The following KCNQ3 variants were observed in gnomAD, a reference collection of about 807,000 sequenced individuals.
KCNQ3 encodes the protein potassium voltage-gated channel subfamily KQT member 3.
KCNQ3 carries 30 observed loss-of-function variants against 92.5 expected under a neutral mutation model. The observed-to-expected ratio is 0.32, with a 90% CI of 0.24 to 0.44. KCNQ3 has a LOEUF of 0.44. Ranked by LOEUF, KCNQ3 falls within the 20% of genes least tolerant of loss-of-function variation. The pLI, the probability that KCNQ3 is intolerant of heterozygous loss-of-function variation, is 1.00. For synonymous variants in KCNQ3, 450 were observed against 468.8 expected (o/e 0.96, Z 0.52); for missense variants, 913 against 1,140.3 (o/e 0.80, Z 2.87).
intron 1 of KCNQ3, among the ~76,000 whole-genome samples, chr8:132,476,209 T>A (rs1822408112): frequency 6.7e-6 from 1 of 149,922 alleles, no homozygotes; most frequent in South Asian, 2.1e-4. Flanking sequence ...GCTGCAGGAG[T>A]GAAGCTCTCA....
intron 1 of KCNQ3, among the ~76,000 whole-genome samples, chr8:132,282,836 C>T (rs928547847): frequency 3.9e-5 from 6 of 152,236 alleles, no homozygotes; most frequent in Admixed American, 2.0e-4. Context: ...CTGCATGTTA[C>T]ATGCCAGAAG....
chr8:132,409,161 C>A (rs1820581242), intron 1 of KCNQ3, among the ~76,000 whole-genome samples: 1 of 152,168 alleles, frequency 6.6e-6, no homozygotes, highest in Non-Finnish European at 1.5e-5. Context: ...ATATTGTTTT[C>A]AAGACTACAG....
chr8:132,434,466 C>T (rs550965726), intron 1 of KCNQ3, among the ~76,000 whole-genome samples: 47 of 152,268 alleles, frequency 3.1e-4, no homozygotes, highest in African/African-American at 1.1e-3. Context: ...ATTCCAAGCA[C>T]CTAGAACAGT....
At position 132,338,031 on chromosome 8, in the gene KCNQ3, T is replaced by C. The variant is rs186293567; in HGVS notation, c.386+142116A>G. 7.0e-4 allele frequency among the ~76,000 whole-genome samples: 107 copies of C among 152,338 alleles called. 1 individual carries two copies. The highest frequency in any genetic ancestry group is 2.5e-3 in the African/African-American group (104 of 41,586). The stretch of plus-strand genomic sequence containing the variant: ...TGGGCTGGGTAAGAGGGAAAACTTA[T>C]GGGCAAATCTCAGATGGTCGAAGGT... On this transcript the variant is annotated intron_variant, in intron 1 of 14. Transcript: ENST00000388996.
intron 1 of KCNQ3, among the ~76,000 whole-genome samples, chr8:132,244,561 C>T (rs1815100570): frequency 6.6e-6 from 1 of 152,164 alleles, no homozygotes; most frequent in African/African-American, 2.4e-5. Context: ...AAACCTTCAT[C>T]CTGTGTGATT....
At chr8:132,380,527 T>A (rs1459952716) in intron 1 of KCNQ3, among the ~76,000 whole-genome samples, 1 of 152,020 alleles carries the variant, frequency 6.6e-6, no homozygotes, top group Admixed American at 6.5e-5. Flanking sequence ...GCTGCCCACT[T>A]CCAGAAAGGG....
intron 1 of KCNQ3, among the ~76,000 whole-genome samples, chr8:132,242,705 C>A (rs73708598): frequency 1.3e-5 from 2 of 152,148 alleles, no homozygotes; most frequent in African/African-American, 4.8e-5. Flanking sequence ...ATAGTAGGTA[C>A]CAAATGAATA....
rs562162865 is a variant in KCNQ3 at position 132,134,972 on chromosome 8, AC to A, written c.1701-585del. Among the ~76,000 whole-genome samples the A allele has an allele frequency of 1.2e-4, 18 of 152,214 alleles. No homozygotes were observed. The East Asian group carries it at 2.7e-3, about 23-fold the overall frequency. Reference sequence around the variant, plus strand: ...TCCTATTTCTATTTCTGCATGAGGCACCAGCTCCTTTTTAAATAACTTTTAT... The same window carrying A: ...TCCTATTTCTATTTCTGCATGAGGCACAGCTCCTTTTTAAATAACTTTTAT... On this transcript the variant is annotated intron_variant, in intron 12 of 14. Transcript: ENST00000388996.
intron 1 of KCNQ3, among the ~76,000 whole-genome samples, chr8:132,221,451 A>G (rs1238032321): frequency 6.6e-6 from 1 of 152,160 alleles, no homozygotes; most frequent in African/African-American, 2.4e-5. Context: ...AAGTGTTCCT[A>G]TTTCTTCACA....
intron 1 of KCNQ3, among the ~76,000 whole-genome samples, chr8:132,392,342 T>A (rs568001780): frequency 1.1e-3 from 165 of 152,262 alleles, no homozygotes; most frequent in African/African-American, 3.8e-3. Context: ...CCCCGAGCCC[T>A]GCCCCAGCCC....
chr8:132,282,550 C>T (rs1390715651), intron 1 of KCNQ3, among the ~76,000 whole-genome samples: 1 of 152,158 alleles, frequency 6.6e-6, no homozygotes, highest in East Asian at 1.9e-4. Context: ...GCTCTGCTCC[C>T]GCCCCCTGGA....
At chr8:132,239,634 T>C (rs1814923926) in intron 1 of KCNQ3, among the ~76,000 whole-genome samples, 1 of 152,206 alleles carries the variant, frequency 6.6e-6, no homozygotes, top group South Asian at 2.1e-4. Context: ...ACCCTTGCAA[T>C]GATTTCCAGT....
chr8:132,418,785 C>T (rs1309622510), intron 1 of KCNQ3, among the ~76,000 whole-genome samples: 1 of 151,836 alleles, frequency 6.6e-6, no homozygotes, highest in African/African-American at 2.4e-5. Flanking sequence ...GACTATGTCT[C>T]AAAAAATAAA....
At chr8:132,235,362 G>C (rs567094625) in intron 1 of KCNQ3, among the ~76,000 whole-genome samples, 1 of 152,274 alleles carries the variant, frequency 6.6e-6, no homozygotes, top group South Asian at 2.1e-4. Context: ...AATTAGCTGG[G>C]CGTGGTGGCA....
chr8:132,358,349 AC>A (rs899847132), intron 1 of KCNQ3, among the ~76,000 whole-genome samples: 35 of 152,012 alleles, frequency 2.3e-4, no homozygotes, highest in African/African-American at 8.5e-4. Flanking sequence ...GATGCTTTAG[AC>A]CCCCTCTGGG....
At position 132,129,429 on chromosome 8, in the gene KCNQ3, A is replaced by G. The variant is rs753729617; in HGVS notation, c.2452T>C (p.Phe818Leu). ...SISQDRDDYV[F>L]GPNGGSSWMR... Reference sequence around the variant, plus strand: ...CAGCTCGACCCCCCATTGGGGCCGAACACATAATCATCTCTGTCCTGGGAG... The same window carrying G: ...CAGCTCGACCCCCCATTGGGGCCGAGCACATAATCATCTCTGTCCTGGGAG... The change falls in exon 15 of 15, where the codon TTC becomes CTC. Residue 818 changes from phenylalanine to leucine, a missense_variant. Coordinates refer to ENST00000388996, the MANE Select transcript of KCNQ3 (RefSeq NM_004519.4). The surrounding 1 kb of genome is among the most constrained non-coding windows in gnomAD (Gnocchi z 5.9). 2 of 1,614,212 alleles carry G rather than the reference A, an allele frequency of 1.2e-6. No homozygotes were observed. Among genetic ancestry groups the G allele is most frequent in the Non-Finnish European group, 1.7e-6 (2 of 1,180,038 alleles).
intron 1 of KCNQ3, among the ~76,000 whole-genome samples, chr8:132,290,784 C>T (rs959661032): frequency 1.3e-5 from 2 of 152,116 alleles, no homozygotes; most frequent in Non-Finnish European, 2.9e-5. Context: ...ACAGCAATAA[C>T]AATAAGGCAA....
chr8:132,296,963 A>T (rs1817051480), intron 1 of KCNQ3, among the ~76,000 whole-genome samples: 1 of 152,202 alleles, frequency 6.6e-6, no homozygotes, highest in Admixed American at 6.5e-5. Context: ...AGGAATCGCC[A>T]CACTGACTTC....
rs1386175973 is a variant in KCNQ3 at position 132,164,871 on chromosome 8, A to ATGACC, written c.1236-1382_1236-1378dup. Among the ~76,000 whole-genome samples, 5 of 149,766 alleles carry ATGACC rather than the reference A, an allele frequency of 3.3e-5. No homozygotes were observed. In the East Asian group the frequency reaches 1.0e-3, roughly 30 times the overall value. On this transcript the variant is annotated intron_variant, in intron 8 of 14. Transcript: ENST00000388996. ...CACTTCTCCACCTTCCTCCCAGCTG[A>ATGACC]TGACCTTGACTCCCCTCTCACTGAG...
Sources: gnomAD v4.1 joint callset for allele counts (sites outside exome capture counted in the v4.1 genomes callset) on GRCh38, gnomAD v4.1.1 for gene constraint, Gnocchi (gnomAD v3.1) non-coding constraint, MANE v1.5 for transcripts, NCBI Gene and HGNC (gene_info 2026-07-23, HGNC 2026-07-21) for gene names.